Variants in ASAP1 observed in about 807,000 individuals in gnomAD.
ASAP1 encodes ArfGAP with SH3 domain, ankyrin repeat and PH domain 1.
Under a neutral mutation model 145.2 loss-of-function variants are expected in ASAP1, and 43 were observed. The ratio of observed to expected loss-of-function variants is 0.30; its 90% confidence interval spans 0.23 to 0.38. The LOEUF (loss-of-function observed/expected upper bound fraction) is 0.38, where lower values mean the gene tolerates loss of function less well. Ranked by LOEUF, ASAP1 falls within the 10% of genes least tolerant of loss-of-function variation. The pLI is 1.00. For missense variants in ASAP1, 1,018 were observed against 1,355.3 expected (o/e 0.75, Z 3.91); for synonymous variants, 546 against 515.5 (o/e 1.06, Z -0.80).
chr8:130,061,295 G>A lies in ASAP1; in HGVS notation c.2702-226C>T, dbSNP rs1241805256. On this transcript the variant is annotated intron_variant, in intron 27 of 29. Coordinates refer to ENST00000518721, the MANE Select transcript of ASAP1 (RefSeq NM_018482.4). ...TTATGCTTCAATTATATAAGAACAG[G>A]ATGTCTACATTCATCCAGAATTAAA... Among the ~76,000 whole-genome samples the A allele has an allele frequency of 5.9e-5, 9 of 152,042 alleles. No homozygotes were observed. The South Asian group carries it at 8.3e-4, about 14-fold the overall frequency.
At chr8:130,131,469 C>T (rs546044302) in intron 15 of ASAP1, among the ~76,000 whole-genome samples, 2 of 151,834 alleles carry the variant, frequency 1.3e-5, no homozygotes, top group South Asian at 4.2e-4. Flanking sequence ...CACCAGCACC[C>T]AGAGAGAATG....
intron 9 of ASAP1, among the ~76,000 whole-genome samples, chr8:130,177,919 T>G (rs1267698480): frequency 6.6e-6 from 1 of 152,224 alleles, no homozygotes; most frequent in Non-Finnish European, 1.5e-5. Context: ...CTAAGGTGGT[T>G]GCTACAGAAT....
chr8:130,306,882 C>G (rs1823026987), intron 3 of ASAP1, among the ~76,000 whole-genome samples: 1 of 152,172 alleles, frequency 6.6e-6, no homozygotes, highest in South Asian at 2.1e-4. Context: ...GACCTCAGAG[C>G]CTAACAAACT....
intron 3 of ASAP1, among the ~76,000 whole-genome samples, chr8:130,287,038 G>C (rs940520388): frequency 6.6e-6 from 1 of 152,204 alleles, no homozygotes; most frequent in Admixed American, 6.5e-5. Flanking sequence ...ACCTTGAAGA[G>C]TACTGCTCAG....
At chr8:130,295,176 G>C (rs1042176729) in intron 3 of ASAP1, among the ~76,000 whole-genome samples, 8 of 152,164 alleles carry the variant, frequency 5.3e-5, no homozygotes, top group African/African-American at 1.9e-4. Flanking sequence ...CTAGCTACTT[G>C]GGAGGCTGAG....
At chr8:130,063,039 GA>G (rs1184876405) in intron 27 of ASAP1, among the ~76,000 whole-genome samples, 1 of 152,008 alleles carries the variant, frequency 6.6e-6, no homozygotes, top group African/African-American at 2.4e-5. Flanking sequence ...TTAATAGCAT[GA>G]AAAATGTTTT....
At chr8:130,148,555 C>G (rs1405709146) in intron 13 of ASAP1, among the ~76,000 whole-genome samples, 3 of 152,164 alleles carry the variant, frequency 2.0e-5, no homozygotes, top group Non-Finnish European at 4.4e-5. Context: ...AATGGCAGTT[C>G]TCTTTCTTTT....
chr8:130,207,388 C>T (rs1237544033), intron 5 of ASAP1, among the ~76,000 whole-genome samples: 1 of 152,166 alleles, frequency 6.6e-6, no homozygotes, highest in Non-Finnish European at 1.5e-5. Context: ...GAACTGAATG[C>T]TTTCATAGGT....
chr8:130,064,725 C>T (rs928496467), intron 27 of ASAP1, among the ~76,000 whole-genome samples: 3 of 152,134 alleles, frequency 2.0e-5, no homozygotes, highest in African/African-American at 7.2e-5. Context: ...GGCTCAGTCC[C>T]CCAGAATGTT....
At chr8:130,275,467 G>GC (rs1197016336) in intron 3 of ASAP1, among the ~76,000 whole-genome samples, 1 of 151,922 alleles carries the variant, frequency 6.6e-6, no homozygotes, top group Non-Finnish European at 1.5e-5. Flanking sequence ...AGGCGTCCCA[G>GC]CGCCTGCACA....
At chr8:130,152,715 T>A (rs750674923) in intron 13 of ASAP1, 21 bp downstream of exon 13, 5 of 1,588,428 alleles carry the variant, frequency 3.1e-6, no homozygotes, top group Non-Finnish European at 4.3e-6. Flanking sequence ...TGAGGCAGGG[T>A]AAATTAAGAA....
chr8:130,226,152 A>T (rs921423114), intron 4 of ASAP1, among the ~76,000 whole-genome samples: 1 of 151,930 alleles, frequency 6.6e-6, no homozygotes, highest in Non-Finnish European at 1.5e-5. Context: ...TGCTGTGATT[A>T]ACGTTTTAAA....
At chr8:130,309,628 G>A (rs974143657) in intron 3 of ASAP1, among the ~76,000 whole-genome samples, 14 of 152,220 alleles carry the variant, frequency 9.2e-5, no homozygotes, top group Non-Finnish European at 1.5e-4. Context: ...GGCAGCCACC[G>A]AGGAGTGCTA....
At chr8:130,386,933 C>CTGTTTA (rs1828045880) in intron 2 of ASAP1, 1 of 152,216 alleles carries the variant, frequency 6.6e-6, no homozygotes, top group East Asian at 1.9e-4. Flanking sequence ...ACCTTTGTAG[C>CTGTTTA]TGTTTATAAG....
At chr8:130,327,541 A>G (rs189458013) in intron 3 of ASAP1, among the ~76,000 whole-genome samples, 2 of 152,340 alleles carry the variant, frequency 1.3e-5, no homozygotes, top group East Asian at 3.9e-4. Flanking sequence ...TAAGACTCTC[A>G]GGTGACTCTA....
chr8:130,174,383 A>T (rs763174701), intron 9 of ASAP1, among the ~76,000 whole-genome samples: 8 of 152,216 alleles, frequency 5.3e-5, no homozygotes, highest in Non-Finnish European at 8.8e-5. Flanking sequence ...TACCTCGAGG[A>T]TGTCTCATTT....
At chr8:130,372,609 T>C (rs1827262002) in intron 2 of ASAP1, among the ~76,000 whole-genome samples, 1 of 152,182 alleles carries the variant, frequency 6.6e-6, no homozygotes, top group African/African-American at 2.4e-5. Context: ...CAAGCCACAA[T>C]GACATAAGTG....
chr8:130,073,988 AAC>A (rs2097456045), intron 27 of ASAP1, among the ~76,000 whole-genome samples: 1 of 152,212 alleles, frequency 6.6e-6, no homozygotes, highest in Non-Finnish European at 1.5e-5. Flanking sequence ...TAGAACGAAT[AAC>A]ACAGTTTCTT....
At chr8:130,325,519 A>G (rs747964119) in intron 3 of ASAP1, among the ~76,000 whole-genome samples, 2 of 152,236 alleles carry the variant, frequency 1.3e-5, no homozygotes, top group Admixed American at 6.5e-5. Flanking sequence ...TATGTGATCT[A>G]AAAGTTCAAA....
Sources: allele counts gnomAD v4.1 joint callset (sites outside exome capture counted in the v4.1 genomes callset), GRCh38; gene constraint gnomAD v4.1.1; transcripts MANE v1.5; gene names NCBI Gene and HGNC (gene_info 2026-07-23, HGNC 2026-07-21).